The following HHIPL1 variants were observed in gnomAD, a reference collection of about 807,000 sequenced individuals.
HHIPL1 encodes HHIP like 1, also known as HHIP-like protein 1.
In HHIPL1, 43 loss-of-function variants were observed where a neutral mutation model predicts 61.8. The ratio of observed to expected loss-of-function variants is 0.70; its 90% confidence interval spans 0.55 to 0.90. The LOEUF is 0.90. Ranked by LOEUF, HHIPL1 falls within the 40% of genes least tolerant of loss-of-function variation. The pLI, the probability that HHIPL1 is intolerant of heterozygous loss-of-function variation, is 0.00. For missense variants in HHIPL1, 1,056 were observed against 1,157.7 expected (o/e 0.91, Z 1.28); for synonymous variants, 482 against 515.8 (o/e 0.93, Z 0.89).
intron 6 of HHIPL1, among the ~76,000 whole-genome samples, chr14:99,666,393 G>A (rs954111591): frequency 6.6e-6 from 1 of 152,236 alleles, no homozygotes; most frequent in Non-Finnish European, 1.5e-5. Flanking sequence ...CTCCCTGTGT[G>A]TGCAGAGGGT....
In HHIPL1 at chr14:99,662,992, A is replaced by AGTAGTAC. The variant is rs1170492328; in HGVS notation, c.1619_1620insGTAGTAC (p.Tyr540Ter). On this transcript the variant is annotated stop_gained and frameshift_variant, in exon 6 of 9. Transcript: ENST00000330710. LOFTEE classifies it high-confidence loss of function. ...GGCCTCATCAACAACTACTACCCGT[A>AGTAGTAC]CATCATCTCCTTCGGGGAGGACGAG... The AGTAGTAC allele has an allele frequency of 6.2e-7, 1 of 1,612,632 alleles. No individual in the cohort carries two copies. The highest frequency in any genetic ancestry group is 8.5e-7 in the Non-Finnish European group (1 of 1,179,520).
At chr14:99,636,445 TTC>T in the HHIPL1 span, among the ~76,000 whole-genome samples, 1 of 152,212 alleles carries the variant, frequency 6.6e-6, no homozygotes, top group African/African-American at 2.4e-5. Context: ...CATTTCTGTC[TTC>T]TGTTTTTTTC....
intron 3 of HHIPL1, among the ~76,000 whole-genome samples, chr14:99,659,033 G>A (rs2140072619): frequency 6.6e-6 from 1 of 152,300 alleles, no homozygotes; most frequent in Middle Eastern, 3.4e-3. Flanking sequence ...TCTGGGCCCA[G>A]GCTGTCTGGG....
chr14:99,657,923 A>G (rs576086356), intron 3 of HHIPL1, among the ~76,000 whole-genome samples: 8 of 146,644 alleles, frequency 5.5e-5, no homozygotes, highest in African/African-American at 2.2e-4. Flanking sequence ...ACACATACAC[A>G]CATACATACA....
chr14:99,653,585 G>A (rs770965537), intron 2 of HHIPL1, among the ~76,000 whole-genome samples: 5 of 152,092 alleles, frequency 3.3e-5, no homozygotes, highest in African/African-American at 1.2e-4. Context: ...TGCCCGCCTC[G>A]GCCGAAGGTG....
Position 99,678,989 on chromosome 14 carries a change from A to G in HHIPL1, c.*3363A>G, listed in dbSNP as rs1281781094. On this transcript the variant is annotated 3_prime_UTR_variant, in exon 9 of 9. Coordinates refer to ENST00000330710, the MANE Select transcript of HHIPL1 (RefSeq NM_001127258.3). Reference sequence around the variant, plus strand: ...TTACTACATGCCAAGCACTGCTCTGAAAGTTTAACATACCATTCACTCATG... The same window carrying G: ...TTACTACATGCCAAGCACTGCTCTGGAAGTTTAACATACCATTCACTCATG... 6.6e-6 allele frequency: 1 copy of G among 152,254 alleles called. No individual in the cohort carries two copies. Among genetic ancestry groups the G allele is most frequent in the Non-Finnish European group, 1.5e-5 (1 of 68,036 alleles). 9.4% of individuals were successfully genotyped at this position (152,254 alleles called of 1,614,324 possible). A position where few individuals can be genotyped will look rare whatever the true frequency, so the allele number is the denominator to read the frequency against.
chr14:99,638,201 G>T, the HHIPL1 span, among the ~76,000 whole-genome samples: 1 of 152,166 alleles, frequency 6.6e-6, no homozygotes, highest in African/African-American at 2.4e-5. Context: ...CAGAGCAATG[G>T]CTCACTCACT....
At chr14:99,649,622 C>T (rs2140055388) in intron 1 of HHIPL1, among the ~76,000 whole-genome samples, 2 of 152,240 alleles carry the variant, frequency 1.3e-5, no homozygotes, top group South Asian at 4.2e-4. Context: ...GAGACCCTGT[C>T]TCTGCAAAAA....
In HHIPL1 at chr14:99,678,869, C is replaced by T. The variant is rs780308635; in HGVS notation, c.*3243C>T. On this transcript the variant is annotated 3_prime_UTR_variant, in exon 9 of 9. Transcript: ENST00000330710. ...AAGGAAGTTCGTCTTTAAAAGAAAC[C>T]ATTATTTCTAACACTTACGATTTAT... is the stretch of plus-strand genomic sequence containing the variant. 3 of 152,180 alleles carry T rather than the reference C, an allele frequency of 2.0e-5. No individual in the cohort carries two copies. Among genetic ancestry groups the T allele is most frequent in the Non-Finnish European group, 4.4e-5 (3 of 68,034 alleles). 9.4% of individuals were successfully genotyped at this position (152,180 alleles called of 1,614,324 possible).
rs549263452 is a variant in HHIPL1 at position 99,652,429 on chromosome 14, C to G, written c.461C>G (p.Thr154Arg). Residue 154 changes from threonine (T) to arginine (R), a missense_variant, in exon 2 of 9, where the codon ACG becomes AGG. Transcript: ENST00000330710. ...TGCCGCTACCTGTCCCTGGATGACA[C>G]GGACTACTGCTTCCCTTACCTGCTG... ...RFCRYLSLDD[T>R]DYCFPYLLVN... The G allele has an allele frequency of 1.1e-5, 17 of 1,614,060 alleles. No individual in the cohort carries two copies. The highest frequency in any genetic ancestry group is 9.3e-6 in the Non-Finnish European group (11 of 1,180,044).
intron 7 of HHIPL1, among the ~76,000 whole-genome samples, chr14:99,671,823 T>A (rs939629078): frequency 1.3e-5 from 2 of 152,058 alleles, no homozygotes; most frequent in Admixed American, 1.3e-4. Context: ...GCCCCCGTCC[T>A]TTAGGTGGTT....
At chr14:99,613,906 A>G in the HHIPL1 span, among the ~76,000 whole-genome samples, 1 of 152,168 alleles carries the variant, frequency 6.6e-6, no homozygotes, top group Non-Finnish European at 1.5e-5. Flanking sequence ...GTGAGATTCC[A>G]TCTCAAAAAT....
At chr14:99,626,456 G>T in the HHIPL1 span, among the ~76,000 whole-genome samples, 2 of 152,192 alleles carry the variant, frequency 1.3e-5, no homozygotes, top group Non-Finnish European at 2.9e-5. Flanking sequence ...TTCCTGGCCT[G>T]CAGGACACGG....
chr14:99,670,419 T>C (rs1159497926), intron 7 of HHIPL1, among the ~76,000 whole-genome samples: 1 of 152,184 alleles, frequency 6.6e-6, no homozygotes, highest in East Asian at 1.9e-4. Flanking sequence ...GACTCCACAC[T>C]CTTTTTCAAA....
chr14:99,643,374 CTTG>C (rs1451421253), upstream of HHIPL1, among the ~76,000 whole-genome samples: 9 of 152,120 alleles, frequency 5.9e-5, no homozygotes, highest in East Asian at 1.7e-3. Context: ...TTTTTCATGC[CTTG>C]TTGTTTTTCT....
the HHIPL1 span, among the ~76,000 whole-genome samples, chr14:99,621,172 C>A: frequency 7.1e-6 from 1 of 141,278 alleles, no homozygotes; most frequent in East Asian, 1.9e-4. Context: ...AATCTCAGCT[C>A]ACTGTAATCT....
chr14:99,657,785 C>T (rs891349834), intron 3 of HHIPL1, among the ~76,000 whole-genome samples: 3 of 151,676 alleles, frequency 2.0e-5, no homozygotes, highest in African/African-American at 7.3e-5. Flanking sequence ...TACATATACA[C>T]AGCACACACA....
the HHIPL1 span, among the ~76,000 whole-genome samples, chr14:99,606,595 GAGCTGGCA>G: frequency 6.6e-6 from 1 of 152,228 alleles, no homozygotes; most frequent in South Asian, 2.1e-4. Context: ...TGATCCTCCA[GAGCTGGCA>G]GCTTCCGCTG....
At position 99,659,477 on chromosome 14, in the gene HHIPL1, C is replaced by G. The variant is rs748475384; in HGVS notation, c.1096C>G (p.Arg366Gly). The G allele has an allele frequency of 8.5e-6, 13 of 1,531,768 alleles. 1 individual carries two copies. Among genetic ancestry groups the G allele is most frequent in the South Asian group, 6.0e-5 (5 of 82,728 alleles). The allele number at this position is 1,531,768 out of a possible 1,614,324, so 94.9% of individuals were successfully genotyped here. ...GCGCATCGACGTGGACCGTAAGGAG[C>G]GCGGCCTGCCCTACGGCATCCCGCC... is the stretch of plus-strand genomic sequence containing the variant. Reference protein sequence around the residue: ...VLRIDVDRKERGLPYGIPPDN... With the variant: ...VLRIDVDRKEGGLPYGIPPDN... The change falls in exon 4 of 9, where the codon CGC becomes GGC. Residue 366 changes from arginine to glycine, a missense_variant. Coordinates refer to ENST00000330710, the MANE Select transcript of HHIPL1 (RefSeq NM_001127258.3).
Sources: gnomAD v4.1 joint callset for allele counts (sites outside exome capture counted in the v4.1 genomes callset) on GRCh38, gnomAD v4.1.1 for gene constraint, MANE v1.5 for transcripts, NCBI Gene and HGNC (gene_info 2026-07-23, HGNC 2026-07-21) for gene names.